The following RUFY2 variants were observed in gnomAD, a reference collection of about 807,000 sequenced individuals.
The protein encoded by RUFY2 is RUN and FYVE domain-containing protein 2.
Under a neutral mutation model 94.4 loss-of-function variants are expected in RUFY2, and 49 were observed. The observed-to-expected ratio is 0.52, with a 90% CI of 0.41 to 0.66. The LOEUF is 0.66. RUFY2 is among the 30% of genes least tolerant of loss of function. RUFY2 has a pLI of 0.00. For missense variants in RUFY2, 541 were observed against 692.8 expected (o/e 0.78, Z 2.46); for synonymous variants, 255 against 235.7 (o/e 1.08, Z -0.75).
intron 15 of RUFY2, among the ~76,000 whole-genome samples, chr10:68,357,767 T>C (rs2047164160): frequency 6.6e-6 from 1 of 152,208 alleles, no homozygotes; most frequent in South Asian, 2.1e-4. Context: ...GTATCTGCCA[T>C]TATCATTATA....
At chr10:68,347,618 A>G (rs933618108) in intron 16 of RUFY2, among the ~76,000 whole-genome samples, 3 of 152,174 alleles carry the variant, frequency 2.0e-5, no homozygotes, top group African/African-American at 4.8e-5. Flanking sequence ...TGCTTAACCA[A>G]TCTTGGCTAG....
rs2046195948 is a variant in RUFY2 at position 68,345,018 on chromosome 10, A to AC, written c.*749dup. On this transcript the variant is annotated 3_prime_UTR_variant, in exon 18 of 18. Coordinates refer to ENST00000602465, the MANE Select transcript of RUFY2 (RefSeq NM_001330103.2). ...TCATCTTTGAATTGGGGTCTGAGTC[A>AC]CCCCTTAAAAAAACAGCAATTTAAT... The AC allele has an allele frequency of 6.6e-6, 1 of 152,074 alleles. No homozygotes were observed. Among genetic ancestry groups the AC allele is most frequent in the Non-Finnish European group, 1.5e-5 (1 of 68,020 alleles). The allele number at this position is 152,074 out of a possible 1,614,324, so 9.4% of individuals were successfully genotyped here. A position where few individuals can be genotyped will look rare whatever the true frequency, so the allele number is the denominator to read the frequency against.
At chr10:68,385,839 C>G (rs937541584) in intron 8 of RUFY2, among the ~76,000 whole-genome samples, 3 of 152,032 alleles carry the variant, frequency 2.0e-5, no homozygotes, top group Non-Finnish European at 4.4e-5. Flanking sequence ...AGCTGAGTAT[C>G]TCAAATATAG....
At chr10:68,375,096 T>G (rs1274952882) in intron 13 of RUFY2, among the ~76,000 whole-genome samples, 1 of 152,118 alleles carries the variant, frequency 6.6e-6, no homozygotes, top group Non-Finnish European at 1.5e-5. Flanking sequence ...AAAGTTCTAA[T>G]AAAAATGTTC....
intron 7 of RUFY2, 82 bp downstream of exon 7, chr10:68,393,056 A>G (rs1405788981): frequency 2.1e-5 from 13 of 622,934 alleles, no homozygotes; most frequent in Non-Finnish European, 1.3e-5. Context: ...CTCTTAGAAG[A>G]AAGGAATACG....
At position 68,344,950 on chromosome 10, in the gene RUFY2, CCTA is replaced by C. The variant is rs1378362309; in HGVS notation, c.*815_*817del. Reference sequence around the variant, plus strand: ...CCTTTATAAGGAGCCTGTAACATCCCCTACTATTACATACTTTTTTTTCTGGGG... The same window carrying C: ...CCTTTATAAGGAGCCTGTAACATCCCCTATTACATACTTTTTTTTCTGGGG... On this transcript the variant is annotated 3_prime_UTR_variant, in exon 18 of 18. Coordinates refer to ENST00000602465, the MANE Select transcript of RUFY2 (RefSeq NM_001330103.2). The C allele has an allele frequency of 6.6e-6, 1 of 152,058 alleles. No individual in the cohort carries two copies. Among genetic ancestry groups the C allele is most frequent in the African/African-American group, 2.4e-5 (1 of 41,386 alleles). The allele number at this position is 152,058 out of a possible 1,614,324, so 9.4% of individuals were successfully genotyped here.
intron 3 of RUFY2, among the ~76,000 whole-genome samples, chr10:68,398,126 CAAAAAAAAAAA>C (rs377600173): frequency 1.5e-5 from 1 of 65,052 alleles, no homozygotes; most frequent in Non-Finnish European, 3.4e-5. Flanking sequence ...GATTTGTTCT[CAAAAAAAAAAA>C]AAAAAAAAAA....
rs778982720 is a variant in RUFY2, at chr10:68,384,094, C to T, written c.779G>A (p.Ser260Asn). The T allele has an allele frequency of 2.5e-6, 4 of 1,612,804 alleles. No homozygotes were observed. Among genetic ancestry groups the T allele is most frequent in the African/African-American group, 2.7e-5 (2 of 74,902 alleles). Reference protein sequence around the residue: ...KLQEENHQLRSENKLILMKTQ... With the variant: ...KLQEENHQLRNENKLILMKTQ... ...TTTCATTAAAATCAATTTATTTTCACTTCGTAATTGATGATTTTCTTCCTG... is the reference window on the plus strand; with the variant it reads ...TTTCATTAAAATCAATTTATTTTCATTTCGTAATTGATGATTTTCTTCCTG... The change falls in exon 9 of 18, where the codon AGT (serine) becomes AAT (asparagine). Residue 260 changes from serine (S) to asparagine (N), a missense_variant. Around this residue, in one of 3 missense-constraint regions of RUFY2, gnomAD observed 403 missense variants for 480.7 expected, o/e 0.84. Coordinates refer to ENST00000602465, the MANE Select transcript of RUFY2 (RefSeq NM_001330103.2).
intron 7 of RUFY2, among the ~76,000 whole-genome samples, chr10:68,388,837 CAA>C (rs71009052): frequency 0.019 from 1,919 of 102,458 alleles, 38 homozygotes; most frequent in African/African-American, 0.069. Flanking sequence ...AACCCTGTCT[CAA>C]AAAAAAAAAA....
chr10:68,368,804 G>A (rs560477062), intron 13 of RUFY2, among the ~76,000 whole-genome samples: 1 of 152,236 alleles, frequency 6.6e-6, no homozygotes, highest in East Asian at 1.9e-4. Context: ...GGGTGTTGAT[G>A]AAGCCCTCAA....
chr10:68,355,318 C>T (rs750143849), intron 16 of RUFY2, 35 bp downstream of exon 16: 1 of 1,526,104 alleles, frequency 6.6e-7, no homozygotes, highest in East Asian at 2.3e-5. Context: ...GAGACTTTCA[C>T]ATACCTTCCC....
chr10:68,359,591 A>G (rs1054807892), intron 15 of RUFY2, among the ~76,000 whole-genome samples: 7 of 147,008 alleles, frequency 4.8e-5, no homozygotes, highest in Non-Finnish European at 8.9e-5. Context: ...ATAAATATAC[A>G]TAGTAGTAGT....
At chr10:68,383,270 A>AGCCAAGATCGCACCACTGCACTCC (rs2049221287) in intron 10 of RUFY2, among the ~76,000 whole-genome samples, 1 of 152,144 alleles carries the variant, frequency 6.6e-6, no homozygotes, top group Non-Finnish European at 1.5e-5. Context: ...GGCTGCAGTG[A>AGCCAAGATCGCACCACTGCACTCC]GCCAAGATCG....
intron 16 of RUFY2, chr10:68,346,774 A>G (rs1488286342): frequency 6.6e-6 from 1 of 152,232 alleles, no homozygotes; most frequent in African/African-American, 2.4e-5. Context: ...TTAAGGATAA[A>G]TTCTCACTGT....
At chr10:68,377,113 C>T in intron 12 of RUFY2, 141 bp from the exon 13 acceptor site, 2 of 1,497,220 alleles carry the variant, frequency 1.3e-6, no homozygotes, top group Non-Finnish European at 1.8e-6. Context: ...CTCACAAACT[C>T]AAACGTGAAA....
Position 68,383,814 on chromosome 10 carries a change from T to C in RUFY2, c.923A>G (p.Glu308Gly), listed in dbSNP as rs2049276514. The change falls in exon 10 of 18, where the codon GAA becomes GGA. Residue 308 changes from glutamate to glycine, a missense_variant. Physicochemically the swap from Glu to Gly is moderately conservative, Grantham distance 98 (BLOSUM62 -2). Transcript: ENST00000602465. The part of the protein sequence containing the change: ...YNEARRQLRD[E>G]SQLRQDVENE... ...ATAACCTACCTGTCGTAACTGAGAT[T>C]CATCTCGAAGCTGCCTTCTGGCTTC... 6.2e-7 allele frequency: 1 copy of C among 1,611,132 alleles called. No individual in the cohort carries two copies. The highest frequency in any genetic ancestry group is 1.3e-5 in the African/African-American group (1 of 74,868).
At position 68,357,689 on chromosome 10, in the gene RUFY2, T is replaced by C. The variant is rs1212275535; in HGVS notation, c.1551-2288A>G. 3.3e-5 allele frequency among the ~76,000 whole-genome samples: 5 copies of C among 152,328 alleles called. No homozygotes were observed. The East Asian group carries it at 9.6e-4, about 29-fold the overall frequency. On this transcript the variant is annotated intron_variant, in intron 15 of 17. Coordinates refer to ENST00000602465, the MANE Select transcript of RUFY2 (RefSeq NM_001330103.2). ...ATTTTAAATGGAATAATTATCTACATAGTTTTCCATAACCAGCTATTTTCA... is the reference window on the plus strand; with the variant it reads ...ATTTTAAATGGAATAATTATCTACACAGTTTTCCATAACCAGCTATTTTCA...
intron 15 of RUFY2, among the ~76,000 whole-genome samples, chr10:68,362,627 T>G (rs1295459612): frequency 6.6e-6 from 1 of 151,892 alleles, no homozygotes; most frequent in Non-Finnish European, 1.5e-5. Context: ...CCCATCTCTA[T>G]AAACAATAAA....
At chr10:68,341,592 A>G, downstream of RUFY2, 2 of 1,604,328 alleles carry the variant, frequency 1.2e-6, no homozygotes, top group Non-Finnish European at 1.7e-6. Context: ...AAGAACATCG[A>G]TATATTGAAC....
Sources: allele counts gnomAD v4.1 joint callset (sites outside exome capture counted in the v4.1 genomes callset), GRCh38; gene constraint gnomAD v4.1.1; regional missense constraint gnomAD v4.1.1; transcripts MANE v1.5; gene names NCBI Gene and HGNC (gene_info 2026-07-23, HGNC 2026-07-21).